Variants in MYO5A observed in about 807,000 individuals in gnomAD.
The protein encoded by MYO5A is unconventional myosin-Va.
In MYO5A, 98 loss-of-function variants were observed where a neutral mutation model predicts 249.7. The observed-to-expected ratio is 0.39, with a 90% CI of 0.33 to 0.46. The LOEUF is 0.46. Among genes scored for constraint, MYO5A ranks in the 20% least tolerant of loss-of-function variants. MYO5A has a pLI of 0.98. For synonymous variants in MYO5A, 778 were observed against 810.6 expected (o/e 0.96, Z 0.68); for missense variants, 1,696 against 2,308.8 (o/e 0.73, Z 5.44).
At chr15:52,463,813 A>C (rs2141423278) in intron 1 of MYO5A, among the ~76,000 whole-genome samples, 1 of 152,342 alleles carries the variant, frequency 6.6e-6, no homozygotes, top group East Asian at 1.9e-4. Context: ...CTTCCACCAG[A>C]TCAAAAGTTC....
chr15:52,510,638 AAGGATCT>A (rs2077371100), intron 1 of MYO5A, among the ~76,000 whole-genome samples: 1 of 152,202 alleles, frequency 6.6e-6, no homozygotes, highest in African/African-American at 2.4e-5. Flanking sequence ...TGCACAGGCG[AAGGATCT>A]AGGTTGCATG....
intron 24 of MYO5A, among the ~76,000 whole-genome samples, chr15:52,362,434 T>A (rs1250383511): frequency 2.0e-5 from 3 of 152,226 alleles, no homozygotes; most frequent in Non-Finnish European, 4.4e-5. Context: ...ATTTTAATTG[T>A]CATGGGTTAA....
chr15:52,324,860 C>A (rs2038520948), intron 36 of MYO5A, among the ~76,000 whole-genome samples: 2 of 152,082 alleles, frequency 1.3e-5, no homozygotes, highest in African/African-American at 4.8e-5. Flanking sequence ...TCAAACCTAA[C>A]TAAGTCTTTT....
At chr15:52,355,241 C>G (rs1567046741) in intron 25 of MYO5A, among the ~76,000 whole-genome samples, 1 of 152,182 alleles carries the variant, frequency 6.6e-6, no homozygotes, top group Non-Finnish European at 1.5e-5. Context: ...ACAGTCAGCC[C>G]TCCATATCCT....
At chr15:52,384,378 C>T in intron 14 of MYO5A, 56 bp from the exon 15 acceptor site, 2 of 1,538,862 alleles carry the variant, frequency 1.3e-6, no homozygotes, top group South Asian at 1.1e-5. Flanking sequence ...GAACGCAAAC[C>T]TTCACAAAAG....
rs893214363 is a variant in MYO5A, at chr15:52,444,977, C to A, written c.28-11692G>T. ...TACCTGGGAAATAATAGACAGGTGCCGGTATGTATTTCCCTCCCACTTATA... is the reference window on the plus strand; with the variant it reads ...TACCTGGGAAATAATAGACAGGTGCAGGTATGTATTTCCCTCCCACTTATA... On this transcript the variant is annotated intron_variant, in intron 1 of 41. Coordinates refer to ENST00000399233, the MANE Select transcript of MYO5A (RefSeq NM_001382347.1). Among the ~76,000 whole-genome samples the A allele has an allele frequency of 3.9e-5, 6 of 152,092 alleles. No homozygotes were observed. The East Asian group carries it at 1.2e-3, about 29-fold the overall frequency.
chr15:52,388,374 C>T (rs2042059730), intron 13 of MYO5A, among the ~76,000 whole-genome samples: 1 of 152,160 alleles, frequency 6.6e-6, no homozygotes, highest in African/African-American at 2.4e-5. Context: ...AAGGTGAAGG[C>T]TGGGGAAATA....
intron 9 of MYO5A, among the ~76,000 whole-genome samples, chr15:52,399,434 C>T (rs1044477799): frequency 3.9e-5 from 6 of 152,142 alleles, no homozygotes; most frequent in African/African-American, 1.4e-4. Flanking sequence ...GGATTACAGG[C>T]ACACACCATG....
intron 1 of MYO5A, among the ~76,000 whole-genome samples, chr15:52,477,910 G>T (rs1168335917): frequency 1.3e-5 from 2 of 152,204 alleles, no homozygotes; most frequent in African/African-American, 4.8e-5. Flanking sequence ...CAAACTCCAT[G>T]CTGGGAGAAC....
At chr15:52,465,098 C>T (rs1211321665) in intron 1 of MYO5A, among the ~76,000 whole-genome samples, 1 of 152,180 alleles carries the variant, frequency 6.6e-6, no homozygotes, top group Non-Finnish European at 1.5e-5. Context: ...GACCTGGAAA[C>T]AGCAGCCTTG....
chr15:52,317,294 T>C (rs948740255), intron 39 of MYO5A, 72 bp from the exon 40 acceptor site: 1 of 1,452,120 alleles, frequency 6.9e-7, no homozygotes, highest in South Asian at 1.2e-5. Flanking sequence ...TTTTTTTGTG[T>C]GCGGCCTTGT....
chr15:52,524,162 C>T (rs1265779627), intron 1 of MYO5A, among the ~76,000 whole-genome samples: 2 of 152,208 alleles, frequency 1.3e-5, no homozygotes, highest in South Asian at 2.1e-4. Context: ...TGTTACAATA[C>T]TCAGCATCTC....
chr15:52,501,345 A>T (rs2077155427), intron 1 of MYO5A, among the ~76,000 whole-genome samples: 1 of 151,932 alleles, frequency 6.6e-6, no homozygotes, highest in Non-Finnish European at 1.5e-5. Flanking sequence ...CATGCCTGTT[A>T]TCCCACCATT....
intron 24 of MYO5A, among the ~76,000 whole-genome samples, chr15:52,363,931 T>C (rs1326989888): frequency 6.6e-6 from 1 of 152,154 alleles, no homozygotes; most frequent in African/African-American, 2.4e-5. Flanking sequence ...CATTAGGCCA[T>C]TCAATATATA....
intron 1 of MYO5A, among the ~76,000 whole-genome samples, chr15:52,503,405 T>C (rs1369104557): frequency 6.6e-6 from 1 of 152,146 alleles, no homozygotes; most frequent in South Asian, 2.1e-4. Context: ...GGAGGATCTC[T>C]TGAGTCAAGG....
chr15:52,439,875 C>T (rs2075749027), intron 1 of MYO5A, among the ~76,000 whole-genome samples: 2 of 152,170 alleles, frequency 1.3e-5, no homozygotes, highest in African/African-American at 4.8e-5. Context: ...AATGTAAACA[C>T]ACATCAAAGA....
At chr15:52,387,190 G>A (rs571727099) in intron 14 of MYO5A, among the ~76,000 whole-genome samples, 2 of 152,334 alleles carry the variant, frequency 1.3e-5, no homozygotes, top group South Asian at 2.1e-4. Context: ...AAGGGATGGA[G>A]GGGATCAACC....
At chr15:52,386,473 G>C (rs1032818510) in intron 14 of MYO5A, among the ~76,000 whole-genome samples, 4 of 152,108 alleles carry the variant, frequency 2.6e-5, no homozygotes, top group African/African-American at 9.6e-5. Context: ...TTAGAGATTG[G>C]CATTGTGGGA....
chr15:52,513,135 C>T (rs1859717189), intron 1 of MYO5A, among the ~76,000 whole-genome samples: 1 of 146,708 alleles, frequency 6.8e-6, no homozygotes, highest in African/African-American at 2.5e-5. Context: ...AATCACCAGG[C>T]TACAGAATAA....
Sources: allele counts gnomAD v4.1 joint callset (sites outside exome capture counted in the v4.1 genomes callset), GRCh38; gene constraint gnomAD v4.1.1; transcripts MANE v1.5; gene names NCBI Gene and HGNC (gene_info 2026-07-23, HGNC 2026-07-21).